NECTIN2: variants seen among roughly 807,000 people sequenced by gnomAD.
The protein encoded by NECTIN2 is nectin-2.
A neutral mutation model predicts 56.9 loss-of-function variants in NECTIN2; 23 were observed. The ratio of observed to expected loss-of-function variants is 0.40; its 90% CI spans 0.29 to 0.57. The LOEUF is 0.57. NECTIN2 is among the 20% of genes least tolerant of loss of function. The pLI, the probability that NECTIN2 is intolerant of heterozygous loss-of-function variation, is 0.38. For synonymous variants in NECTIN2, 302 were observed against 313.8 expected (o/e 0.96, Z 0.40); for missense variants, 587 against 718.3 (o/e 0.82, Z 2.09).
intron 2 of NECTIN2, among the ~76,000 whole-genome samples, chr19:44,871,164 C>T (rs1023025235): frequency 9.2e-5 from 14 of 152,180 alleles, no homozygotes; most frequent in African/African-American, 3.1e-4. Flanking sequence ...CCACGCCCGA[C>T]CAGCTTTTTT....
At chr19:44,862,992 CAAAAAAAA>C (rs57740346) in intron 1 of NECTIN2, among the ~76,000 whole-genome samples, 1 of 123,126 alleles carries the variant, frequency 8.1e-6, no homozygotes, top group African/African-American at 3.2e-5. Flanking sequence ...ACTAAAAATA[CAAAAAAAA>C]AAAAAAAAAA....
intron 3 of NECTIN2, among the ~76,000 whole-genome samples, chr19:44,872,934 C>T (rs1269377106): frequency 1.4e-5 from 2 of 146,710 alleles, no homozygotes; most frequent in African/African-American, 2.6e-5. Context: ...TTATATATTA[C>T]ATTACAGGCT....
At chr19:44,853,853 G>A (rs1308956949) in intron 1 of NECTIN2, among the ~76,000 whole-genome samples, 1 of 152,138 alleles carries the variant, frequency 6.6e-6, no homozygotes, top group Non-Finnish European at 1.5e-5. Flanking sequence ...AATCTCTCTT[G>A]CAGATACTGA....
Position 44,878,534 on chromosome 19 carries a change from A to G in NECTIN2, c.1043-3677A>G, listed in dbSNP as rs574849883. The G allele has an allele frequency of 5.6e-6, 9 of 1,613,988 alleles. No individual in the cohort carries two copies. The East Asian group carries it at 1.3e-4, about 24-fold the overall frequency. On this transcript the variant is annotated intron_variant, in intron 5 of 8. Transcript: ENST00000252483. ...GGAAGAGAAGGCAGAGAAAGGCCTC[A>G]TGTTGCCTCCACCCCCAGCACTCGA...
At position 44,888,729 on chromosome 19, in the gene NECTIN2, A is replaced by C. The variant is rs1969388373; in HGVS notation, c.*350A>C. 4.0e-6 allele frequency: 1 copy of C among 249,288 alleles called. No homozygotes were observed. Among genetic ancestry groups the C allele is most frequent in the Admixed American group, 4.8e-5 (1 of 20,622 alleles). 15.4% of individuals were successfully genotyped at this position (249,288 alleles called of 1,614,324 possible). Reference sequence around the variant, plus strand: ...AAATCACAAAGAAGACCCTAGACCTATAATTTGTCTTCAGGTAGTAAATTC... The same window carrying C: ...AAATCACAAAGAAGACCCTAGACCTCTAATTTGTCTTCAGGTAGTAAATTC... On this transcript the variant is annotated 3_prime_UTR_variant, in exon 9 of 9. Transcript: ENST00000252483.
rs1364208914 is a variant in NECTIN2 at position 44,864,542 on chromosome 19, C to T, written c.89-729C>T. Reference sequence around the variant, plus strand: ...ATACAGGTAAGAATGGCCTGGTGGCCGGGCGCGGTGGCTCACGCCTGTAAT... The same window carrying T: ...ATACAGGTAAGAATGGCCTGGTGGCTGGGCGCGGTGGCTCACGCCTGTAAT... On this transcript the variant is annotated intron_variant, in intron 1 of 8. Transcript: ENST00000252483. 4.0e-5 allele frequency among the ~76,000 whole-genome samples: 6 copies of T among 151,070 alleles called. No individual in the cohort carries two copies. The East Asian group carries it at 1.0e-3, about 25-fold the overall frequency.
chr19:44,882,494 T>C (rs749816557), intron 6 of NECTIN2, 130 bp downstream of exon 6: 23 of 876,516 alleles, frequency 2.6e-5, no homozygotes, highest in African/African-American at 5.3e-5. Flanking sequence ...GGAACTGGGG[T>C]CTAAATGGAG....
chr19:44,884,695 T>A (rs1969341134), intron 6 of NECTIN2, among the ~76,000 whole-genome samples: 1 of 152,172 alleles, frequency 6.6e-6, no homozygotes, highest in Non-Finnish European at 1.5e-5. Context: ...GATAGGGCAG[T>A]TGAGCAAGCT....
At chr19:44,847,679 G>T (rs1968851923) in intron 1 of NECTIN2, among the ~76,000 whole-genome samples, 1 of 152,144 alleles carries the variant, frequency 6.6e-6, no homozygotes, top group African/African-American at 2.4e-5. Flanking sequence ...CGGAGACGTC[G>T]CCGGGGAAGT....
chr19:44,887,824 T>C (rs569545767), intron 8 of NECTIN2, among the ~76,000 whole-genome samples: 37 of 152,164 alleles, frequency 2.4e-4, no homozygotes, highest in Middle Eastern at 3.4e-3. Context: ...AGGTTAAGTA[T>C]TTGAGGTCAA....
rs375914163 is a variant in NECTIN2, at chr19:44,852,141, C to A, written c.88+5528C>A. Among the ~76,000 whole-genome samples the A allele has an allele frequency of 9.2e-5, 14 of 151,598 alleles. 1 individual carries two copies. The highest frequency in any genetic ancestry group is 3.4e-4 in the African/African-American group (14 of 41,332). The stretch of plus-strand genomic sequence containing the variant: ...TTTTTTCTTTTTTTGAGACAAGAGT[C>A]TCACTCTGTTGCCCAAGCTGGCAAT... On this transcript the variant is annotated intron_variant, in intron 1 of 8. Transcript: ENST00000252483.
chr19:44,849,125 G>A (rs1968872002), intron 1 of NECTIN2, among the ~76,000 whole-genome samples: 3 of 152,140 alleles, frequency 2.0e-5, no homozygotes, highest in Admixed American at 6.6e-5. Context: ...GAGGGAAGCG[G>A]TCAGACACAG....
rs531393542 is a variant in NECTIN2, at chr19:44,846,666, C to T, written c.88+53C>T. 12,332 of 1,499,236 alleles carry T rather than the reference C, an allele frequency of 8.2e-3. 64 individuals carry two copies. Among genetic ancestry groups the T allele is most frequent in the Non-Finnish European group, 9.7e-3 (10,977 of 1,130,840 alleles). The allele number at this position is 1,499,236 out of a possible 1,614,324, so 92.9% of individuals were successfully genotyped here. A position where few individuals can be genotyped will look rare whatever the true frequency, so the allele number is the denominator to read the frequency against. ...TCGCGCGGACCCCCTCCAACCTTAC[C>T]TTCCGAGCTGGGGAAGCCGAGCACC... On this transcript the variant is annotated intron_variant, in intron 1 of 8. Transcript: ENST00000252483.
At chr19:44,879,854 AG>A (rs1969288401) in intron 5 of NECTIN2, among the ~76,000 whole-genome samples, 7 of 152,140 alleles carry the variant, frequency 4.6e-5, no homozygotes, top group Non-Finnish European at 7.3e-5. Flanking sequence ...GCCCTGTGCC[AG>A]GCAGTGCTGG....
At position 44,882,381 on chromosome 19, in the gene NECTIN2, G is replaced by A. The variant is rs749796094; in HGVS notation, c.1196+17G>A. 1 of 1,383,468 alleles carries A rather than the reference G, an allele frequency of 7.2e-7. No homozygotes were observed. Among genetic ancestry groups the A allele is most frequent in the South Asian group, 1.7e-5 (1 of 60,312 alleles). The allele number at this position is 1,383,468 out of a possible 1,614,324, so 85.7% of individuals were successfully genotyped here. On this transcript the variant is annotated intron_variant, in intron 6 of 8. Transcript: ENST00000252483. ...GGACGAAGAGTAAGTGATGGGCCCTGAGACGGGGATGGGAGAGGGGTCGAA... is the reference window on the plus strand; with the variant it reads ...GGACGAAGAGTAAGTGATGGGCCCTAAGACGGGGATGGGAGAGGGGTCGAA...
chr19:44,872,397 C>G (rs2122685710), intron 3 of NECTIN2, among the ~76,000 whole-genome samples: 1 of 152,234 alleles, frequency 6.6e-6, no homozygotes, highest in Middle Eastern at 3.4e-3. Flanking sequence ...GATGGGCTTG[C>G]AAGAGCCAGT....
chr19:44,882,191 C>T lies in NECTIN2; in HGVS notation c.1043-20C>T, dbSNP rs760526835. The T allele has an allele frequency of 8.5e-6, 12 of 1,405,712 alleles. No individual in the cohort carries two copies. The highest frequency in any genetic ancestry group is 3.0e-5 in the African/African-American group (2 of 67,646). The allele number at this position is 1,405,712 out of a possible 1,614,324, so 87.1% of individuals were successfully genotyped here. ...TGGCTTCCTCCTGGAGACCCCCTCACGCTGTCCCTCTCCTTGCAGAGACCC... is the reference window on the plus strand; with the variant it reads ...TGGCTTCCTCCTGGAGACCCCCTCATGCTGTCCCTCTCCTTGCAGAGACCC... On this transcript the variant is annotated intron_variant, in intron 5 of 8. Transcript: ENST00000252483.
intron 1 of NECTIN2, among the ~76,000 whole-genome samples, chr19:44,849,619 C>G (rs1017491611): frequency 1.3e-4 from 20 of 152,022 alleles, no homozygotes; most frequent in African/African-American, 4.6e-4. Flanking sequence ...GAAGGTGTGT[C>G]AGAAATATGG....
intron 1 of NECTIN2, among the ~76,000 whole-genome samples, chr19:44,854,158 T>C (rs1031644409): frequency 2.0e-5 from 3 of 151,864 alleles, no homozygotes; most frequent in Non-Finnish European, 2.9e-5. Flanking sequence ...CAGGCTGGAG[T>C]GCAGTGGCGC....
Sources: gnomAD v4.1 joint callset for allele counts (sites outside exome capture counted in the v4.1 genomes callset) on GRCh38, gnomAD v4.1.1 for gene constraint, MANE v1.5 for transcripts, NCBI Gene and HGNC (gene_info 2026-07-23, HGNC 2026-07-21) for gene names.